SH3PXD2A: variants seen among roughly 807,000 people sequenced by gnomAD.
SH3PXD2A encodes SH3 and PX domain-containing protein 2A.
In SH3PXD2A, 32 loss-of-function variants were observed where a neutral mutation model predicts 115.2. That is an observed-to-expected ratio of 0.28 (90% confidence interval 0.21 to 0.37). The LOEUF is 0.37. Ranked by LOEUF, SH3PXD2A falls within the 10% of genes least tolerant of loss-of-function variation. The probability of loss-of-function intolerance (pLI) is 1.00; values close to 1 mark genes in which losing one functional copy is unlikely to be tolerated. For synonymous variants in SH3PXD2A, 610 were observed against 629.1 expected (o/e 0.97, Z 0.45); for missense variants, 1,328 against 1,498.7 (o/e 0.89, Z 1.88).
chr10:103,664,154 C>G (rs561034565), intron 7 of SH3PXD2A, among the ~76,000 whole-genome samples: 6 of 152,186 alleles, frequency 3.9e-5, no homozygotes, highest in Non-Finnish European at 8.8e-5. Context: ...CTTAAGCGCA[C>G]CCGGCACAAA....
At chr10:103,834,665 A>G (rs910422005) in intron 1 of SH3PXD2A, among the ~76,000 whole-genome samples, 1 of 152,246 alleles carries the variant, frequency 6.6e-6, no homozygotes, top group African/African-American at 2.4e-5. Flanking sequence ...GATGCCAAGC[A>G]CCTGCTGTCT....
intron 1 of SH3PXD2A, among the ~76,000 whole-genome samples, chr10:103,849,019 A>G (rs928038401): frequency 3.1e-5 from 4 of 127,022 alleles, no homozygotes; most frequent in African/African-American, 1.2e-4. Flanking sequence ...AGTAACTTGC[A>G]CTGTATCCCA....
chr10:103,753,036 T>A (rs1010989643), intron 3 of SH3PXD2A, among the ~76,000 whole-genome samples: 20 of 151,978 alleles, frequency 1.3e-4, no homozygotes, highest in African/African-American at 4.8e-4. Context: ...ATATATATAT[T>A]TAAATGAGAT....
chr10:103,855,398 G>T lies in SH3PXD2A; in HGVS notation c.-132C>A. On this transcript the variant is annotated 5_prime_UTR_variant, in exon 1 of 15. Coordinates refer to ENST00000369774, the MANE Select transcript of SH3PXD2A (RefSeq NM_001394015.1). The stretch of plus-strand genomic sequence containing the variant: ...GGCCCGGCGCGCCGAACGCTGCCCG[G>T]ACTCCCGGCGCCCACAGGTCCGGCC... 1 of 576,620 alleles carries T rather than the reference G, an allele frequency of 1.7e-6. No homozygotes were observed. Among genetic ancestry groups the T allele is most frequent in the Non-Finnish European group, 2.7e-6 (1 of 365,928 alleles). 35.7% of individuals were successfully genotyped at this position (576,620 alleles called of 1,614,324 possible).
chr10:103,743,321 C>T (rs2038464364), intron 3 of SH3PXD2A, among the ~76,000 whole-genome samples: 1 of 152,162 alleles, frequency 6.6e-6, no homozygotes, highest in African/African-American at 2.4e-5. Flanking sequence ...GAGGCTGTTA[C>T]CAACCCCCAA....
chr10:103,711,798 T>TA (rs759050534), intron 5 of SH3PXD2A, among the ~76,000 whole-genome samples: 24 of 152,290 alleles, frequency 1.6e-4, no homozygotes, highest in Admixed American at 3.3e-4. Context: ...CTCACACCTC[T>TA]AATCCTGGCA....
At chr10:103,804,640 A>G (rs958077979) in intron 1 of SH3PXD2A, among the ~76,000 whole-genome samples, 5 of 151,810 alleles carry the variant, frequency 3.3e-5, no homozygotes, top group African/African-American at 1.2e-4. Context: ...CCATCTTTTT[A>G]AATAAAGGTG....
At chr10:103,737,869 G>A (rs1408546993) in intron 3 of SH3PXD2A, among the ~76,000 whole-genome samples, 1 of 152,170 alleles carries the variant, frequency 6.6e-6, no homozygotes, top group Non-Finnish European at 1.5e-5. Context: ...AGCATTGGTC[G>A]CCAGCCCTGC....
chr10:103,713,201 G>T (rs2038066357), intron 5 of SH3PXD2A, among the ~76,000 whole-genome samples: 1 of 152,218 alleles, frequency 6.6e-6, no homozygotes, highest in Admixed American at 6.5e-5. Flanking sequence ...CAGAGCCTGT[G>T]AAGGGGAAGG....
At chr10:103,668,587 T>C (rs1033173309) in intron 7 of SH3PXD2A, 21 bp downstream of exon 7, 14 of 1,548,574 alleles carry the variant, frequency 9.0e-6, no homozygotes, top group Admixed American at 2.0e-5. Flanking sequence ...CTCACACACA[T>C]GCATGCACGC....
At chr10:103,638,734 A>T (rs986086504) in intron 8 of SH3PXD2A, among the ~76,000 whole-genome samples, 2 of 152,254 alleles carry the variant, frequency 1.3e-5, no homozygotes, top group African/African-American at 4.8e-5. Context: ...CCTGATTGGA[A>T]TCAGAATAGT....
intron 8 of SH3PXD2A, among the ~76,000 whole-genome samples, chr10:103,643,206 C>T (rs2036980272): frequency 6.6e-6 from 1 of 152,108 alleles, no homozygotes; most frequent in South Asian, 2.1e-4. Context: ...GGCTCCTTTC[C>T]CAGTTGGAAT....
chr10:103,623,744 T>C (rs952327721), intron 9 of SH3PXD2A, among the ~76,000 whole-genome samples: 1 of 152,186 alleles, frequency 6.6e-6, no homozygotes, highest in Non-Finnish European at 1.5e-5. Context: ...TGTCTTACAG[T>C]GACACCACCT....
At chr10:103,700,024 C>T (rs1400244816) in intron 5 of SH3PXD2A, among the ~76,000 whole-genome samples, 1 of 152,244 alleles carries the variant, frequency 6.6e-6, no homozygotes, top group African/African-American at 2.4e-5. Flanking sequence ...GTCTCCTGAA[C>T]ATCCCAGAGG....
intron 6 of SH3PXD2A, among the ~76,000 whole-genome samples, chr10:103,676,565 T>C (rs933644863): frequency 1.3e-5 from 2 of 152,176 alleles, no homozygotes; most frequent in Non-Finnish European, 2.9e-5. Context: ...CAGGTAGTTC[T>C]GTCACCTCCC....
intron 8 of SH3PXD2A, among the ~76,000 whole-genome samples, chr10:103,631,525 G>C (rs560411678): frequency 6.6e-6 from 1 of 152,268 alleles, no homozygotes; most frequent in East Asian, 1.9e-4. Context: ...TTTGAACAGA[G>C]ACAGTCCTTG....
chr10:103,629,206 C>T (rs1363011427), intron 8 of SH3PXD2A, among the ~76,000 whole-genome samples: 1 of 152,160 alleles, frequency 6.6e-6, no homozygotes, highest in Non-Finnish European at 1.5e-5. Flanking sequence ...CTCTGGATCA[C>T]AGAAAAAGGT....
chr10:103,719,555 G>C (rs2038152607), intron 5 of SH3PXD2A, among the ~76,000 whole-genome samples: 1 of 152,104 alleles, frequency 6.6e-6, no homozygotes, highest in Non-Finnish European at 1.5e-5. Context: ...CTGGGTGCTG[G>C]GGATACAGCT....
chr10:103,721,020 G>A (rs2038175609), intron 5 of SH3PXD2A, among the ~76,000 whole-genome samples: 1 of 152,254 alleles, frequency 6.6e-6, no homozygotes. Context: ...CAGACCAGTG[G>A]TGAACTGGCC....
Sources: allele counts gnomAD v4.1 joint callset (sites outside exome capture counted in the v4.1 genomes callset), GRCh38; gene constraint gnomAD v4.1.1; transcripts MANE v1.5; gene names NCBI Gene and HGNC (gene_info 2026-07-23, HGNC 2026-07-21).